The following STK35 variants were observed in gnomAD, a reference collection of about 807,000 sequenced individuals.
STK35 encodes serine/threonine kinase 35, also known as serine/threonine-protein kinase 35.
STK35 carries 17 observed loss-of-function variants against 37.3 expected under a neutral mutation model. The ratio of observed to expected loss-of-function variants is 0.46; its 90% CI spans 0.31 to 0.68. The LOEUF is 0.68. Ranked by LOEUF, STK35 falls within the 30% of genes least tolerant of loss-of-function variation. The pLI is 0.05. For missense variants in STK35, 595 were observed against 746.7 expected (o/e 0.80, Z 2.37); for synonymous variants, 385 against 319.1 (o/e 1.21, Z -2.20).
At chr20:2,127,685 G>C (rs545392461) in intron 3 of STK35, among the ~76,000 whole-genome samples, 2 of 152,192 alleles carry the variant, frequency 1.3e-5, no homozygotes, top group Admixed American at 6.5e-5. Flanking sequence ...AGGGGCCAGG[G>C]TACCAACAGG....
chr20:2,112,836 G>A (rs950387570), intron 2 of STK35, among the ~76,000 whole-genome samples: 3 of 152,156 alleles, frequency 2.0e-5, no homozygotes, highest in East Asian at 1.9e-4. Context: ...TTATACAACT[G>A]TCAGATTATA....
chr20:2,110,975 G>A (rs1466472896), intron 2 of STK35, among the ~76,000 whole-genome samples: 1 of 152,230 alleles, frequency 6.6e-6, no homozygotes, highest in Non-Finnish European at 1.5e-5. Context: ...ACCTGTGAGA[G>A]GAAATGTAAT....
At chr20:2,122,311 G>A (rs1036604825) in intron 3 of STK35, among the ~76,000 whole-genome samples, 7 of 152,096 alleles carry the variant, frequency 4.6e-5, no homozygotes, top group African/African-American at 1.4e-4. Context: ...CAGCCTGGGC[G>A]CCAGAGAGGG....
In STK35 at chr20:2,117,127, A is replaced by G; in HGVS notation, c.1354A>G (p.Thr452Ala). 1 of 1,613,688 alleles carries G rather than the reference A, an allele frequency of 6.2e-7. No homozygotes were observed. Among genetic ancestry groups the G allele is most frequent in the Non-Finnish European group, 8.5e-7 (1 of 1,179,734 alleles). Residue 452 changes from threonine to alanine, a missense_variant, in exon 3 of 4, where the codon ACT (threonine) becomes GCT (alanine). Transcript: ENST00000381482. This position sits in a 1 kb window ranked among gnomAD's most constrained non-coding sequence, Gnocchi z 4.4. The stretch of plus-strand genomic sequence containing the variant: ...CATCTGGGCAATGATAGAAAGAATC[A>G]CTTTTATTGACTCTGAGACCAAGAA... ...IIIWAMIERI[T>A]FIDSETKKEL...
At chr20:2,138,033 A>T (rs927782778) in intron 3 of STK35, among the ~76,000 whole-genome samples, 1 of 152,180 alleles carries the variant, frequency 6.6e-6, no homozygotes, top group Non-Finnish European at 1.5e-5. Flanking sequence ...GATAATTCTT[A>T]CATGGTCCTT....
chr20:2,108,284 G>A (rs1373357631), intron 2 of STK35, among the ~76,000 whole-genome samples: 4 of 152,152 alleles, frequency 2.6e-5, no homozygotes, highest in African/African-American at 9.7e-5. Context: ...CGAGGTGGAC[G>A]GATCACCTCA....
chr20:2,129,771 G>T (rs1985967805), intron 3 of STK35, among the ~76,000 whole-genome samples: 1 of 152,112 alleles, frequency 6.6e-6, no homozygotes, highest in Non-Finnish European at 1.5e-5. Context: ...TGAGGAGGTG[G>T]CATTGAAGCC....
At chr20:2,102,218 G>A (rs1985406598) in intron 1 of STK35, 43 bp downstream of exon 1, 1 of 1,368,438 alleles carries the variant, frequency 7.3e-7, no homozygotes, top group Non-Finnish European at 9.4e-7. Flanking sequence ...GCCGAGGCTG[G>A]AGTTACTGCC....
chr20:2,137,969 C>G (rs1986114170), intron 3 of STK35, among the ~76,000 whole-genome samples: 1 of 152,152 alleles, frequency 6.6e-6, no homozygotes, highest in African/African-American at 2.4e-5. Flanking sequence ...CTCCACAGCA[C>G]GATATGCTGA....
At chr20:2,141,067 T>G (rs1428472784) in intron 3 of STK35, among the ~76,000 whole-genome samples, 3 of 152,216 alleles carry the variant, frequency 2.0e-5, no homozygotes, top group Admixed American at 6.5e-5. Context: ...GTATAATTTC[T>G]CATCGTATTT....
Position 2,141,255 on chromosome 20 carries a change from T to C in STK35, c.*38-2529T>C, listed in dbSNP as rs1355775804. Among the ~76,000 whole-genome samples, 4 of 152,212 alleles carry C rather than the reference T, an allele frequency of 2.6e-5. No homozygotes were observed. In the East Asian group the frequency reaches 7.7e-4, roughly 29 times the overall value. On this transcript the variant is annotated intron_variant, in intron 3 of 3. Coordinates refer to ENST00000381482, the MANE Select transcript of STK35 (RefSeq NM_080836.4). ...AGGGAATATGTTTATGATGATTTTC[T>C]TTTTCCAAGTCAAAAACTGGGATAC...
chr20:2,116,517 TAGAA>T (rs1160810511), intron 2 of STK35, 145 bp from the exon 3 acceptor site: 40 of 858,216 alleles, frequency 4.7e-5, no homozygotes, highest in Non-Finnish European at 7.0e-5. Flanking sequence ...TGTCATACCT[TAGAA>T]AGGCACTCAG....
At chr20:2,133,924 G>A (rs2122579197) in intron 3 of STK35, among the ~76,000 whole-genome samples, 1 of 152,284 alleles carries the variant, frequency 6.6e-6, no homozygotes, top group East Asian at 1.9e-4. Context: ...TTTAAGCTTT[G>A]TTCAGACCCT....
chr20:2,120,036 A>T (rs890441828), intron 3 of STK35, among the ~76,000 whole-genome samples: 1 of 152,236 alleles, frequency 6.6e-6, no homozygotes, highest in East Asian at 1.9e-4. Flanking sequence ...GGGTAGTGCT[A>T]TATTAGAAAC....
At chr20:2,116,559 AGTTGT>A in intron 2 of STK35, 102 bp from the exon 3 acceptor site, 1 of 1,221,150 alleles carries the variant, frequency 8.2e-7, no homozygotes, top group Non-Finnish European at 1.1e-6. Context: ...CCCTTGGAGC[AGTTGT>A]TTGTCACCAA....
chr20:2,106,249 G>A (rs1985513153), intron 2 of STK35, among the ~76,000 whole-genome samples: 1 of 152,120 alleles, frequency 6.6e-6, no homozygotes, highest in African/African-American at 2.4e-5. Context: ...TGTTAAAGCT[G>A]GAAGGAATCG....
chr20:2,129,466 G>C (rs1424829631), intron 3 of STK35, among the ~76,000 whole-genome samples: 1 of 152,112 alleles, frequency 6.6e-6, no homozygotes, highest in Non-Finnish European at 1.5e-5. Flanking sequence ...GCGAGAATTA[G>C]CATCTCGGAA....
At chr20:2,118,594 A>G (rs2122556568) in intron 3 of STK35, among the ~76,000 whole-genome samples, 1 of 152,302 alleles carries the variant, frequency 6.6e-6, no homozygotes, top group East Asian at 1.9e-4. Context: ...AAAAAAAAAA[A>G]ATTTATTGTG....
At chr20:2,125,257 C>T (rs911269674) in intron 3 of STK35, among the ~76,000 whole-genome samples, 2 of 152,190 alleles carry the variant, frequency 1.3e-5, no homozygotes, top group African/African-American at 4.8e-5. Flanking sequence ...CCACCAACAG[C>T]TACTGGTTAT....
Sources: gnomAD v4.1 joint callset for allele counts (sites outside exome capture counted in the v4.1 genomes callset) on GRCh38, gnomAD v4.1.1 for gene constraint, Gnocchi (gnomAD v3.1) non-coding constraint, MANE v1.5 for transcripts, NCBI Gene and HGNC (gene_info 2026-07-23, HGNC 2026-07-21) for gene names.